The following TMEM117 variants were observed in gnomAD, a reference collection of about 807,000 sequenced individuals.
The protein encoded by TMEM117 is transmembrane protein 117.
A neutral mutation model predicts 52.4 loss-of-function variants in TMEM117; 27 were observed. The observed-to-expected ratio is 0.51, with a 90% CI of 0.38 to 0.71. TMEM117 has a LOEUF of 0.71. Among genes scored for constraint, TMEM117 ranks in the 30% least tolerant of loss-of-function variants. TMEM117 has a pLI of 0.00. For synonymous variants in TMEM117, 215 were observed against 206.3 expected (o/e 1.04, Z -0.36); for missense variants, 556 against 630.5 (o/e 0.88, Z 1.26).
downstream of TMEM117, among the ~76,000 whole-genome samples, chr12:44,393,129 T>A (rs1246405340): frequency 6.6e-6 from 1 of 152,172 alleles, no homozygotes; most frequent in Non-Finnish European, 1.5e-5. Flanking sequence ...TAATTTAGTG[T>A]GAGGTATCAA....
chr12:43,872,501 A>AT (rs1943724058), intron 2 of TMEM117, among the ~76,000 whole-genome samples: 1 of 152,200 alleles, frequency 6.6e-6, no homozygotes, highest in Non-Finnish European at 1.5e-5. Flanking sequence ...TAATTTGCTC[A>AT]TTTTTAGTTG....
At chr12:44,194,764 G>A (rs1255944915) in intron 4 of TMEM117, among the ~76,000 whole-genome samples, 3 of 152,138 alleles carry the variant, frequency 2.0e-5, no homozygotes, top group Non-Finnish European at 4.4e-5. Flanking sequence ...CCAGGAGGCC[G>A]AGGTTGCAGT....
At chr12:43,935,782 G>C (rs1413837087) in intron 2 of TMEM117, among the ~76,000 whole-genome samples, 2 of 152,124 alleles carry the variant, frequency 1.3e-5, no homozygotes, top group African/African-American at 4.8e-5. Context: ...TATAATCCCA[G>C]ATATAAAATA....
intron 3 of TMEM117, among the ~76,000 whole-genome samples, chr12:44,071,330 G>A (rs1947298822): frequency 6.6e-6 from 1 of 152,090 alleles, no homozygotes; most frequent in Non-Finnish European, 1.5e-5. Context: ...CATGACTGAT[G>A]CTGTTTTATC....
the TMEM117 span, among the ~76,000 whole-genome samples, chr12:43,802,105 G>A: frequency 1.3e-5 from 2 of 152,122 alleles, no homozygotes; most frequent in Non-Finnish European, 2.9e-5. Flanking sequence ...GATTTCAAGG[G>A]CAAAACTCCC....
At chr12:44,289,225 T>TTGTGTGTGTG (rs59507806) in intron 5 of TMEM117, among the ~76,000 whole-genome samples, 1 of 145,978 alleles carries the variant, frequency 6.9e-6, no homozygotes, top group African/African-American at 2.5e-5. Context: ...CTATCCCATT[T>TTGTGTGTGTG]TGTGTGTGTG....
At chr12:43,915,069 A>G (rs1433399375) in intron 2 of TMEM117, among the ~76,000 whole-genome samples, 1 of 152,100 alleles carries the variant, frequency 6.6e-6, no homozygotes, top group Non-Finnish European at 1.5e-5. Flanking sequence ...TGATGTTTAA[A>G]CAGTGTTACT....
chr12:44,289,487 G>A (rs1950676226), intron 5 of TMEM117, among the ~76,000 whole-genome samples: 1 of 150,830 alleles, frequency 6.6e-6, no homozygotes, highest in African/African-American at 2.4e-5. Flanking sequence ...CATACTTGCT[G>A]AATCAATTTA....
At chr12:44,164,961 A>G (rs1191410069) in intron 4 of TMEM117, among the ~76,000 whole-genome samples, 1 of 152,198 alleles carries the variant, frequency 6.6e-6, no homozygotes, top group African/African-American at 2.4e-5. Context: ...TTTGAAATAT[A>G]CAATATATTG....
intron 3 of TMEM117, among the ~76,000 whole-genome samples, chr12:44,115,307 G>T (rs1948120936): frequency 6.6e-6 from 1 of 152,144 alleles, no homozygotes; most frequent in South Asian, 2.1e-4. Context: ...GGGGCCTGTT[G>T]TCGGGTGGGG....
At chr12:43,801,199 C>T in the TMEM117 span, among the ~76,000 whole-genome samples, 27 of 152,084 alleles carry the variant, frequency 1.8e-4, no homozygotes, top group Admixed American at 1.4e-3. Flanking sequence ...TCAAAGATTA[C>T]GAATTAAGTT....
intron 4 of TMEM117, among the ~76,000 whole-genome samples, chr12:44,181,479 G>T (rs1395860370): frequency 6.7e-6 from 1 of 150,226 alleles, no homozygotes; most frequent in Non-Finnish European, 1.5e-5. Flanking sequence ...GGGTTTTTAT[G>T]GTTTTAGGTC....
intron 4 of TMEM117, among the ~76,000 whole-genome samples, chr12:44,190,438 G>C (rs1249971521): frequency 6.6e-6 from 1 of 152,118 alleles, no homozygotes; most frequent in Non-Finnish European, 1.5e-5. Context: ...CCTGGGGTGA[G>C]GCTCGGCAAC....
At chr12:44,034,202 C>A (rs936784246) in intron 3 of TMEM117, among the ~76,000 whole-genome samples, 8 of 152,124 alleles carry the variant, frequency 5.3e-5, no homozygotes, top group Non-Finnish European at 1.0e-4. Context: ...TGAAAAAACC[C>A]TCCTGCTACA....
intron 3 of TMEM117, among the ~76,000 whole-genome samples, chr12:44,124,759 G>C (rs1225570948): frequency 6.6e-6 from 1 of 152,168 alleles, no homozygotes; most frequent in Non-Finnish European, 1.5e-5. Context: ...AAGCCTGCTT[G>C]ATCATGGTGG....
At chr12:43,993,093 C>T (rs1418009890) in intron 3 of TMEM117, among the ~76,000 whole-genome samples, 1 of 152,162 alleles carries the variant, frequency 6.6e-6, no homozygotes, top group African/African-American at 2.4e-5. Flanking sequence ...GAGAAAAGGT[C>T]ACATAAATGT....
intron 5 of TMEM117, among the ~76,000 whole-genome samples, chr12:44,290,251 A>AT (rs1950688040): frequency 6.6e-6 from 1 of 151,156 alleles, no homozygotes; most frequent in Non-Finnish European, 1.5e-5. Context: ...GCTTATTTTT[A>AT]TTTTTTTGCC....
intron 6 of TMEM117, among the ~76,000 whole-genome samples, chr12:44,341,715 A>G (rs1400045515): frequency 6.6e-6 from 1 of 152,150 alleles, no homozygotes; most frequent in Non-Finnish European, 1.5e-5. Context: ...ATCCGATGAC[A>G]AAGGATCCAA....
chr12:44,126,464 A>G (rs1948326617), intron 3 of TMEM117, among the ~76,000 whole-genome samples: 2 of 152,222 alleles, frequency 1.3e-5, no homozygotes, highest in Non-Finnish European at 1.5e-5. Flanking sequence ...CATCTACAGC[A>G]TTAGGCAATA....
Sources: gnomAD v4.1 joint callset for allele counts (sites outside exome capture counted in the v4.1 genomes callset) on GRCh38, gnomAD v4.1.1 for gene constraint, MANE v1.5 for transcripts, NCBI Gene and HGNC (gene_info 2026-07-23, HGNC 2026-07-21) for gene names.